SMCHD1: variants seen among roughly 807,000 people sequenced by gnomAD.
SMCHD1 encodes the protein structural maintenance of chromosomes flexible hinge domain containing 1, also known as structural maintenance of chromosomes flexible hinge domain-containing protein 1.
In SMCHD1, 78 loss-of-function variants were observed where a neutral mutation model predicts 254.7. The ratio of observed to expected loss-of-function variants is 0.31; its 90% CI spans 0.26 to 0.37. The LOEUF (loss-of-function observed/expected upper bound fraction) is 0.37, where lower values mean the gene tolerates loss of function less well. Ranked by LOEUF, SMCHD1 falls within the 10% of genes least tolerant of loss-of-function variation. The pLI is 1.00. For synonymous variants in SMCHD1, 766 were observed against 794.9 expected (o/e 0.96, Z 0.61); for missense variants, 1,840 against 2,408.1 (o/e 0.76, Z 4.94).
chr18:2,771,926 G>C (rs1050575967), intron 40 of SMCHD1, among the ~76,000 whole-genome samples: 6 of 152,016 alleles, frequency 3.9e-5, no homozygotes, highest in African/African-American at 9.7e-5. Flanking sequence ...AAAATAAAAA[G>C]CAATCTAGAT....
chr18:2,662,806 A>C lies in SMCHD1; in HGVS notation c.187-3351A>C, dbSNP rs189427009. Among the ~76,000 whole-genome samples the C allele has an allele frequency of 4.1e-3, 626 of 152,284 alleles. 4 individuals carry two copies. Among genetic ancestry groups the C allele is most frequent in the African/African-American group, 0.015 (605 of 41,552 alleles). Reference sequence around the variant, plus strand: ...TTTTTGTCTCTGTTAAACAAATAGAATCTTCCCAGTCAGTTTATGTTCATG... The same window carrying C: ...TTTTTGTCTCTGTTAAACAAATAGACTCTTCCCAGTCAGTTTATGTTCATG... On this transcript the variant is annotated intron_variant, in intron 1 of 47. Transcript: ENST00000320876.
chr18:2,686,851 A>G (rs574972), intron 5 of SMCHD1, among the ~76,000 whole-genome samples: 125,337 of 152,098 alleles, frequency 0.82, 55,088 homozygotes, highest in East Asian at 1. Context: ...GATTATTTAT[A>G]TATGAGGATA....
At chr18:2,761,164 A>G (rs2075776360) in intron 35 of SMCHD1, among the ~76,000 whole-genome samples, 1 of 152,226 alleles carries the variant, frequency 6.6e-6, no homozygotes, top group Non-Finnish European at 1.5e-5. Context: ...TTAAGAAACT[A>G]AAAACCAAAT....
At chr18:2,772,450 CAAA>C in intron 41 of SMCHD1, 78 bp downstream of exon 41, 3 of 1,225,338 alleles carry the variant, frequency 2.4e-6, no homozygotes, top group Non-Finnish European at 3.2e-6. Flanking sequence ...CTAAAAGTGA[CAAA>C]AAAGTGTCAG....
At chr18:2,796,360 A>G (rs1598460529) in intron 46 of SMCHD1, 47 bp from the exon 47 acceptor site, 4 of 1,198,442 alleles carry the variant, frequency 3.3e-6, no homozygotes, top group Middle Eastern at 1.9e-4. Context: ...CTCTAATTCC[A>G]TTGTTTTTAT....
intron 30 of SMCHD1, among the ~76,000 whole-genome samples, 171 bp downstream of exon 30, chr18:2,747,818 A>G (rs985557412): frequency 6.6e-5 from 10 of 152,234 alleles, no homozygotes; most frequent in Admixed American, 6.5e-5. Flanking sequence ...TGAGGAAATA[A>G]AGTTTATATC....
intron 5 of SMCHD1, among the ~76,000 whole-genome samples, chr18:2,680,201 G>T (rs1346463986): frequency 6.6e-6 from 1 of 152,082 alleles, no homozygotes; most frequent in Non-Finnish European, 1.5e-5. Context: ...TCTTTTTCCT[G>T]TGTGTGAACC....
intron 1 of SMCHD1, 30 bp from the exon 2 acceptor site, chr18:2,666,127 A>C (rs1483504782): frequency 9.9e-7 from 1 of 1,009,202 alleles, no homozygotes; most frequent in African/African-American, 1.6e-5. Flanking sequence ...CCTTTGTGTA[A>C]TAAGTGATTT....
chr18:2,707,945 C>G (rs1322853590), intron 17 of SMCHD1, 25 bp downstream of exon 17: 2 of 1,311,170 alleles, frequency 1.5e-6, no homozygotes, highest in South Asian at 1.5e-5. Context: ...TAATTTAGAT[C>G]TTTAATATTG....
chr18:2,747,005 TAC>T (rs2075466980), intron 29 of SMCHD1, among the ~76,000 whole-genome samples: 1 of 152,166 alleles, frequency 6.6e-6, no homozygotes, highest in African/African-American at 2.4e-5. Context: ...AAAGCCATGT[TAC>T]TGCTTTTAAT....
rs377085725 is a variant in SMCHD1, at chr18:2,738,466, A to G, written c.3346A>G (p.Thr1116Ala). ...QGLLPDVQVP[T>A]SVKDMRYCQV... ...TCTGCTTCCTGATGTGCAAGTACCA[A>G]CATCTGTAAAAGATATGCGCTATTG... is the stretch of plus-strand genomic sequence containing the variant. The change falls in exon 26 of 48, where the codon ACA becomes GCA. Residue 1116 changes from threonine (T) to alanine (A), a missense_variant. Physicochemically the swap from Thr to Ala is moderately conservative, Grantham distance 58 (BLOSUM62 0). Around this residue, in one of 9 missense-constraint regions of SMCHD1, gnomAD observed 881 missense variants for 1,009.5 expected, o/e 0.87. Transcript: ENST00000320876. 3.8e-5 allele frequency: 62 copies of G among 1,612,684 alleles called. No homozygotes were observed. The African/African-American group carries it at 8.0e-4, about 21-fold the overall frequency.
chr18:2,760,623 C>A, intron 34 of SMCHD1, 29 bp from the exon 35 acceptor site: 4 of 1,207,710 alleles, frequency 3.3e-6, no homozygotes, highest in Non-Finnish European at 4.9e-6. Flanking sequence ...CAAACATTGT[C>A]AGTAATCTTA....
Position 2,803,011 on chromosome 18 carries a change from G to A in SMCHD1, c.*459G>A, listed in dbSNP as rs2076391518. 6.6e-6 allele frequency: 1 copy of A among 152,012 alleles called. No homozygotes were observed. Among genetic ancestry groups the A allele is most frequent in the African/African-American group, 2.4e-5 (1 of 41,370 alleles). The allele number at this position is 152,012 out of a possible 1,614,324, so 9.4% of individuals were successfully genotyped here. On this transcript the variant is annotated 3_prime_UTR_variant, in exon 48 of 48. Transcript: ENST00000320876. ...TCTTTTGTGTAAGGGAGGTTCTAGA[G>A]GCTAGATGTTTAATTGTAAATATGT...
At chr18:2,738,695 G>A (rs1348253712) in intron 26 of SMCHD1, 150 bp downstream of exon 26, 4 of 762,246 alleles carry the variant, frequency 5.2e-6, no homozygotes, top group Non-Finnish European at 7.6e-6. Flanking sequence ...TGGTGATAGC[G>A]ATTAATTTTT....
At chr18:2,712,330 T>C (rs922780015) in intron 17 of SMCHD1, among the ~76,000 whole-genome samples, 3 of 152,126 alleles carry the variant, frequency 2.0e-5, no homozygotes, top group African/African-American at 7.2e-5. Context: ...CTTTAAGTTT[T>C]TGGAAGAGTT....
At chr18:2,732,546 TG>T (rs1366106463) in intron 25 of SMCHD1, 54 bp downstream of exon 25, 4 of 1,204,512 alleles carry the variant, frequency 3.3e-6, no homozygotes, top group Non-Finnish European at 2.3e-6. Flanking sequence ...ATTTTATGTT[TG>T]TAAGACTGAA....
chr18:2,728,304 A>C (rs1057434371), intron 22 of SMCHD1, 153 bp from the exon 23 acceptor site: 8 of 698,648 alleles, frequency 1.1e-5, no homozygotes, highest in African/African-American at 1.8e-5. Flanking sequence ...TTTTGGGATG[A>C]AACTGATTAA....
At chr18:2,676,268 T>G (rs2143858750) in intron 5 of SMCHD1, among the ~76,000 whole-genome samples, 1 of 152,310 alleles carries the variant, frequency 6.6e-6, no homozygotes, top group Middle Eastern at 3.4e-3. Context: ...ATTTCAGTTA[T>G]TATTACTATG....
Position 2,666,214 on chromosome 18 carries a change from A to G in SMCHD1, c.244A>G (p.Ile82Val), listed in dbSNP as rs181045631. The G allele has an allele frequency of 2.5e-5, 38 of 1,538,582 alleles. No homozygotes were observed. The Admixed American group carries it at 5.9e-4, about 24-fold the overall frequency. The change falls in exon 2 of 48, where the codon ATT (isoleucine) becomes GTT (valine). Residue 82 changes from isoleucine to valine, a missense_variant. Transcript: ENST00000320876. ...TATTACAACAACAAGTAGGAAAGAA[A>G]TTACCTGTGATAATTTTGGTAGGTA... ...FVITTTSRKE[I>V]TCDNFDETVK...
Sources: gnomAD v4.1 joint callset for allele counts (sites outside exome capture counted in the v4.1 genomes callset) on GRCh38, gnomAD v4.1.1 for gene constraint, gnomAD v4.1.1 regional missense constraint, MANE v1.5 for transcripts, NCBI Gene and HGNC (gene_info 2026-07-23, HGNC 2026-07-21) for gene names.